Variants in PRDM5 observed in about 807,000 individuals in gnomAD.
PRDM5 encodes PR domain zinc finger protein 5.
A neutral mutation model predicts 81.2 loss-of-function variants in PRDM5; 56 were observed. The ratio of observed to expected loss-of-function variants is 0.69; its 90% CI spans 0.56 to 0.86. The LOEUF (loss-of-function observed/expected upper bound fraction) is 0.86. Ranked by LOEUF, PRDM5 falls within the 40% of genes least tolerant of loss-of-function variation. The pLI is 0.00. For synonymous variants in PRDM5, 267 were observed against 256.4 expected (o/e 1.04, Z -0.39); for missense variants, 697 against 770.1 (o/e 0.91, Z 1.12).
chr4:120,802,045 A>C (rs1161999919), intron 8 of PRDM5, among the ~76,000 whole-genome samples: 1 of 152,214 alleles, frequency 6.6e-6, no homozygotes, highest in Non-Finnish European at 1.5e-5. Flanking sequence ...TCGTTAAATG[A>C]AACATTGTTC....
intron 3 of PRDM5, among the ~76,000 whole-genome samples, chr4:120,848,090 G>A (rs1457267291): frequency 1.3e-5 from 2 of 152,026 alleles, no homozygotes; most frequent in African/African-American, 2.4e-5. Flanking sequence ...GAGGCAAGAG[G>A]AGACAAAAGG....
At chr4:120,817,500 A>AG (rs1222147010) in intron 5 of PRDM5, among the ~76,000 whole-genome samples, 2 of 146,008 alleles carry the variant, frequency 1.4e-5, no homozygotes, top group East Asian at 4.0e-4. Context: ...AGTAAATGGC[A>AG]GGATGGGAGC....
intron 2 of PRDM5, among the ~76,000 whole-genome samples, chr4:120,878,853 T>G (rs562619858): frequency 1.2e-4 from 18 of 152,264 alleles, no homozygotes; most frequent in Non-Finnish European, 2.5e-4. Context: ...TACACATCCA[T>G]TAGAATGGCC....
intron 2 of PRDM5, among the ~76,000 whole-genome samples, chr4:120,868,227 T>C (rs902207836): frequency 1.3e-5 from 2 of 152,196 alleles, no homozygotes; most frequent in African/African-American, 4.8e-5. Context: ...AGGTTTTGCA[T>C]AGCTGATTTT....
rs1734213794 is a variant in PRDM5, at chr4:120,693,472, A to C, written c.*1639T>G. The stretch of plus-strand genomic sequence containing the variant: ...ACCAAAATTTATTTTTATAAAATAC[A>C]GTCTATAATTTCAGATTCAAAATAC... On this transcript the variant is annotated 3_prime_UTR_variant, in exon 16 of 16. Transcript: ENST00000264808. The C allele has an allele frequency of 6.6e-6, 1 of 152,260 alleles. No homozygotes were observed. The highest frequency in any genetic ancestry group is 1.9e-4 in the East Asian group (1 of 5,190). 9.4% of individuals were successfully genotyped at this position (152,260 alleles called of 1,614,324 possible).
At chr4:120,752,247 C>G (rs1744109597) in intron 14 of PRDM5, among the ~76,000 whole-genome samples, 1 of 151,950 alleles carries the variant, frequency 6.6e-6, no homozygotes. Flanking sequence ...TTATTCAATG[C>G]TTAGGAAACA....
At chr4:120,859,924 T>G (rs760575262) in intron 2 of PRDM5, among the ~76,000 whole-genome samples, 14 of 152,152 alleles carry the variant, frequency 9.2e-5, no homozygotes, top group Non-Finnish European at 1.6e-4. Context: ...CACAAACTTG[T>G]CAAAACCCTC....
At chr4:120,826,393 A>T (rs1755986401) in intron 3 of PRDM5, among the ~76,000 whole-genome samples, 1 of 152,116 alleles carries the variant, frequency 6.6e-6, no homozygotes, top group Admixed American at 6.6e-5. Flanking sequence ...AGGAACTTTT[A>T]ATTAGGAGTT....
intron 15 of PRDM5, among the ~76,000 whole-genome samples, chr4:120,705,586 G>A (rs999251387): frequency 6.6e-6 from 1 of 152,144 alleles, no homozygotes; most frequent in Non-Finnish European, 1.5e-5. Context: ...GGAGGGTGCT[G>A]ATGGAGTCAA....
intron 10 of PRDM5, among the ~76,000 whole-genome samples, chr4:120,797,296 C>G (rs1751471349): frequency 6.6e-6 from 1 of 152,108 alleles, no homozygotes; most frequent in South Asian, 2.1e-4. Flanking sequence ...GGTGTATATA[C>G]TATTACATAT....
chr4:120,819,000 C>CA lies in PRDM5; in HGVS notation c.476-474dup, dbSNP rs146788862. Among the ~76,000 whole-genome samples, 1,049 of 152,318 alleles carry CA rather than the reference C, an allele frequency of 6.9e-3. 6 individuals are homozygous for CA. Among genetic ancestry groups the CA allele is most frequent in the Non-Finnish European group, 0.011 (716 of 68,036 alleles). ...TAAGCTAGTAGAGTGAATTATGCTA[C>CA]ACGGTCCCATATAGACTGGTGCAGG... On this transcript the variant is annotated intron_variant, in intron 4 of 15. Transcript: ENST00000264808.
chr4:120,877,798 C>T (rs1762467576), intron 2 of PRDM5, among the ~76,000 whole-genome samples: 2 of 152,126 alleles, frequency 1.3e-5, no homozygotes, highest in Admixed American at 6.6e-5. Flanking sequence ...AAGCAAGACT[C>T]CGTCTCAAAA....
chr4:120,868,460 G>A (rs1053038172), intron 2 of PRDM5, among the ~76,000 whole-genome samples: 2 of 152,104 alleles, frequency 1.3e-5, no homozygotes, highest in Admixed American at 6.5e-5. Flanking sequence ...TTTTCTAAAT[G>A]TGGTTTTCAG....
chr4:120,809,008 G>A (rs1310712004), intron 8 of PRDM5, among the ~76,000 whole-genome samples: 1 of 152,242 alleles, frequency 6.6e-6, no homozygotes, highest in Non-Finnish European at 1.5e-5. Flanking sequence ...CCAGAAGGGG[G>A]CTCCCACAGT....
intron 2 of PRDM5, among the ~76,000 whole-genome samples, chr4:120,858,655 C>A: frequency 6.6e-6 from 1 of 152,108 alleles, no homozygotes; most frequent in East Asian, 1.9e-4. Context: ...CGTCCCTCTG[C>A]CTCCCACCTG....
rs115105408 is a variant in PRDM5 at position 120,728,429 on chromosome 4, G to A, written c.1624-18016C>T. ...TGACATAGGAAACTAAATGATGTAT[G>A]TATGTGTGTGTGTATATATACATAT... On this transcript the variant is annotated intron_variant, in intron 14 of 15. Transcript: ENST00000264808. 9.5e-3 allele frequency among the ~76,000 whole-genome samples: 1,441 copies of A among 152,082 alleles called. 17 individuals carry two copies. The highest frequency in any genetic ancestry group is 0.033 in the African/African-American group (1,368 of 41,470).
chr4:120,875,673 T>A (rs895416279), intron 2 of PRDM5, among the ~76,000 whole-genome samples: 1 of 152,104 alleles, frequency 6.6e-6, no homozygotes, highest in Non-Finnish European at 1.5e-5. Context: ...GGGGAGAGTA[T>A]GATGTGAAAG....
At chr4:120,870,225 G>A (rs951215741) in intron 2 of PRDM5, among the ~76,000 whole-genome samples, 1 of 152,118 alleles carries the variant, frequency 6.6e-6, no homozygotes, top group Admixed American at 6.5e-5. Flanking sequence ...ACCACATTAA[G>A]GTTTCTGAGA....
At chr4:120,699,161 AATATATATATATATATATATATATAT>A (rs70948358) in intron 15 of PRDM5, among the ~76,000 whole-genome samples, 11,476 of 73,810 alleles carry the variant, frequency 0.16, 1,328 homozygotes, top group African/African-American at 0.33. Context: ...AGGAAATATA[AATATATATATATATATATATATATAT>A]ATATATATAT....
Sources: allele counts gnomAD v4.1 joint callset (sites outside exome capture counted in the v4.1 genomes callset), GRCh38; gene constraint gnomAD v4.1.1; transcripts MANE v1.5; gene names NCBI Gene and HGNC (gene_info 2026-07-23, HGNC 2026-07-21).